The following WWOX variants were observed in gnomAD, a reference collection of about 807,000 sequenced individuals.
The protein encoded by WWOX is WW domain-containing oxidoreductase.
Under a neutral mutation model 46.2 loss-of-function variants are expected in WWOX, and 69 were observed. The observed-to-expected ratio is 1.49, with a 90% CI of 1.23 to 1.82. The LOEUF is 1.82. Among genes scored for constraint, WWOX ranks in the 40% most tolerant of loss-of-function variants. The pLI, the probability that WWOX is intolerant of heterozygous loss-of-function variation, is 0.00. For missense variants in WWOX, 919 were observed against 542.6 expected (o/e 1.69, Z -6.89); for synonymous variants, 359 against 202.6 (o/e 1.77, Z -6.56).
In WWOX at chr16:78,733,857, G is replaced by C. The variant is rs566559542; in HGVS notation, c.1056+301105G>C. Among the ~76,000 whole-genome samples, 5 of 152,202 alleles carry C rather than the reference G, an allele frequency of 3.3e-5. No homozygotes were observed. In the South Asian group the frequency reaches 1.0e-3, roughly 32 times the overall value. On this transcript the variant is annotated intron_variant, in intron 8 of 8. Coordinates refer to ENST00000566780, the MANE Select transcript of WWOX (RefSeq NM_016373.4). ...AAGGCAAGAGGATCACTTGAGCCCAGGATTTCGAGACCAACCTGGACAACG... is the reference window on the plus strand; with the variant it reads ...AAGGCAAGAGGATCACTTGAGCCCACGATTTCGAGACCAACCTGGACAACG...
At chr16:78,739,762 G>A (rs1377244202) in intron 8 of WWOX, among the ~76,000 whole-genome samples, 1 of 152,152 alleles carries the variant, frequency 6.6e-6, no homozygotes, top group Non-Finnish European at 1.5e-5. Flanking sequence ...AGTGAGCCGA[G>A]ATCGTACCAT....
intron 8 of WWOX, among the ~76,000 whole-genome samples, chr16:79,166,603 G>C (rs1479231102): frequency 2.0e-5 from 3 of 152,038 alleles, no homozygotes; most frequent in East Asian, 1.9e-4. Context: ...CTTATTTTTC[G>C]AGTTGTGCTG....
intron 5 of WWOX, among the ~76,000 whole-genome samples, chr16:78,283,431 T>G (rs975234032): frequency 6.6e-6 from 1 of 152,208 alleles, no homozygotes; most frequent in Non-Finnish European, 1.5e-5. Flanking sequence ...GGAGTCATTT[T>G]CAAATAACTT....
intron 5 of WWOX, among the ~76,000 whole-genome samples, chr16:78,367,998 C>A (rs138047240): frequency 3.3e-5 from 5 of 152,022 alleles, no homozygotes; most frequent in South Asian, 4.1e-4. Flanking sequence ...CTTAGGTGAT[C>A]TGCCTGCCTC....
chr16:78,649,588 T>G (rs2046920352), intron 8 of WWOX, among the ~76,000 whole-genome samples: 1 of 152,238 alleles, frequency 6.6e-6, no homozygotes, highest in African/African-American at 2.4e-5. Flanking sequence ...TTCCCCCGTT[T>G]GTTAATACAT....
intron 8 of WWOX, among the ~76,000 whole-genome samples, chr16:78,810,919 A>G (rs934954839): frequency 1.3e-5 from 2 of 152,068 alleles, no homozygotes; most frequent in Non-Finnish European, 2.9e-5. Flanking sequence ...ATGCATTCAG[A>G]CATTTAGAAA....
chr16:78,451,365 G>A (rs1428033846), intron 8 of WWOX, among the ~76,000 whole-genome samples: 1 of 152,160 alleles, frequency 6.6e-6, no homozygotes, highest in Non-Finnish European at 1.5e-5. Context: ...CATTTCTTAG[G>A]ACTAATTTAT....
intron 5 of WWOX, among the ~76,000 whole-genome samples, chr16:78,350,735 A>G (rs1391847232): frequency 1.7e-5 from 2 of 120,794 alleles, no homozygotes; most frequent in Admixed American, 8.1e-5. Flanking sequence ...CATTTTGGCT[A>G]TTGTGCATAA....
chr16:78,382,593 C>CGT (rs1174944151), intron 5 of WWOX, among the ~76,000 whole-genome samples: 1 of 152,166 alleles, frequency 6.6e-6, no homozygotes, highest in Non-Finnish European at 1.5e-5. Context: ...ACCACTCTGA[C>CGT]GTACTAAAGG....
chr16:78,474,779 C>G (rs1012463850), intron 8 of WWOX, among the ~76,000 whole-genome samples: 1 of 152,186 alleles, frequency 6.6e-6, no homozygotes, highest in Non-Finnish European at 1.5e-5. Flanking sequence ...GTCTGCTCTT[C>G]ATCTCCATGC....
At chr16:78,867,071 C>G (rs1261890243) in intron 8 of WWOX, among the ~76,000 whole-genome samples, 2 of 152,088 alleles carry the variant, frequency 1.3e-5, no homozygotes, top group South Asian at 2.1e-4. Flanking sequence ...GAAGTATTCA[C>G]AATTGGAGAA....
chr16:78,666,708 G>A (rs2047340356), intron 8 of WWOX, among the ~76,000 whole-genome samples: 1 of 152,146 alleles, frequency 6.6e-6, no homozygotes, highest in Non-Finnish European at 1.5e-5. Context: ...AATTCAGGGG[G>A]GATTTACATC....
intron 8 of WWOX, among the ~76,000 whole-genome samples, chr16:79,097,591 G>A (rs1419387492): frequency 6.6e-6 from 1 of 152,182 alleles, no homozygotes; most frequent in East Asian, 1.9e-4. Context: ...GAGAACCAGA[G>A]AGAGCCCCTC....
chr16:79,204,193 G>A (rs952802475), intron 8 of WWOX: 2 of 152,156 alleles, frequency 1.3e-5, no homozygotes, highest in Non-Finnish European at 2.9e-5. Context: ...TTTGAGCAAT[G>A]TAGGTATCCC....
At chr16:78,735,880 C>A (rs1346256039) in intron 8 of WWOX, among the ~76,000 whole-genome samples, 1 of 152,178 alleles carries the variant, frequency 6.6e-6, no homozygotes, top group Non-Finnish European at 1.5e-5. Flanking sequence ...ATCTGAGTCC[C>A]TTCTTGTCTA....
chr16:78,535,809 G>A (rs960322375), intron 8 of WWOX, among the ~76,000 whole-genome samples: 8 of 152,212 alleles, frequency 5.3e-5, no homozygotes, highest in African/African-American at 1.9e-4. Flanking sequence ...CCAGACACAA[G>A]TTGGAGGGAA....
intron 8 of WWOX, among the ~76,000 whole-genome samples, chr16:79,076,108 T>G (rs958263890): frequency 1.3e-5 from 2 of 152,218 alleles, no homozygotes; most frequent in African/African-American, 4.8e-5. Context: ...TTGCCGAGAT[T>G]TGTAAGAGTA....
intron 5 of WWOX, among the ~76,000 whole-genome samples, chr16:78,193,979 G>A (rs888405293): frequency 6.6e-6 from 1 of 151,530 alleles, no homozygotes; most frequent in Admixed American, 6.6e-5. Context: ...CCGGGTTCCT[G>A]CCATTCTCTT....
chr16:78,300,906 G>C (rs989706789), intron 5 of WWOX, among the ~76,000 whole-genome samples: 7 of 151,660 alleles, frequency 4.6e-5, no homozygotes, highest in Non-Finnish European at 8.8e-5. Flanking sequence ...GCCATGTTTT[G>C]TCAGTTCATC....
Sources: gnomAD v4.1 joint callset for allele counts (sites outside exome capture counted in the v4.1 genomes callset) on GRCh38, gnomAD v4.1.1 for gene constraint, MANE v1.5 for transcripts, NCBI Gene and HGNC (gene_info 2026-07-23, HGNC 2026-07-21) for gene names.